Variants in TXNRD2 observed in about 807,000 individuals in gnomAD.
TXNRD2 encodes thioredoxin reductase 2, mitochondrial.
A neutral mutation model predicts 70.8 loss-of-function variants in TXNRD2; 67 were observed. The ratio of observed to expected loss-of-function variants is 0.95; its 90% CI spans 0.78 to 1.16. The LOEUF is 1.16. Among genes scored for constraint, TXNRD2 ranks in the 50% most tolerant of loss-of-function variants. TXNRD2 has a pLI of 0.00. For missense variants in TXNRD2, 644 were observed against 719.9 expected (o/e 0.89, Z 1.21); for synonymous variants, 301 against 295.8 (o/e 1.02, Z -0.18).
At chr22:19,916,534 G>T (rs1285692030) in intron 5 of TXNRD2, among the ~76,000 whole-genome samples, 1 of 152,012 alleles carries the variant, frequency 6.6e-6, no homozygotes, top group Non-Finnish European at 1.5e-5. Flanking sequence ...TAGAGACGGG[G>T]TTTCGCCATG....
Position 19,918,994 on chromosome 22 carries a change from C to T in TXNRD2, c.240G>A (p.Trp80Ter), listed in dbSNP as rs1473722067. ...YVEPSPQGTR[W>*]GLGGTCVNVG... Reference sequence around the variant, plus strand: ...CGTTGACGCAGGTGCCGCCGAGGCCCCACCGGGTGCCTGGGACGTGGGAAG... The same window carrying T: ...CGTTGACGCAGGTGCCGCCGAGGCCTCACCGGGTGCCTGGGACGTGGGAAG... The change falls in exon 4 of 18, where the codon TGG (tryptophan) becomes TGA (stop). Residue 80 changes from tryptophan (W) to a stop codon, truncating the protein, a stop_gained. Transcript: ENST00000400521. LOFTEE classifies it high-confidence loss of function. 7.5e-6 allele frequency: 12 copies of T among 1,609,736 alleles called. No homozygotes were observed. Among genetic ancestry groups the T allele is most frequent in the Non-Finnish European group, 9.3e-6 (11 of 1,179,726 alleles).
At chr22:19,899,227 T>G (rs547852721) in intron 8 of TXNRD2, among the ~76,000 whole-genome samples, 159 bp from the exon 9 acceptor site, 2 of 152,302 alleles carry the variant, frequency 1.3e-5, no homozygotes, top group East Asian at 3.9e-4. Context: ...AAAGCCCACT[T>G]TCCAAGGCTA....
At chr22:19,904,808 G>C (rs737862) in intron 8 of TXNRD2, among the ~76,000 whole-genome samples, 101,704 of 152,018 alleles carry the variant, frequency 0.67, 35,275 homozygotes, top group East Asian at 0.92. Context: ...CGTGAGTTGC[G>C]CACCTGGCCT....
At chr22:19,924,865 A>G (rs1013721784) in intron 2 of TXNRD2, among the ~76,000 whole-genome samples, 1 of 152,156 alleles carries the variant, frequency 6.6e-6, no homozygotes, top group African/African-American at 2.4e-5. Flanking sequence ...ATGAAAAGAG[A>G]AAATCCTAAA....
Position 19,877,056 on chromosome 22 carries a change from A to G in TXNRD2, c.*49T>C. The G allele has an allele frequency of 1.3e-6, 2 of 1,567,536 alleles. No homozygotes were observed. Among genetic ancestry groups the G allele is most frequent in the Non-Finnish European group, 1.7e-6 (2 of 1,146,844 alleles). The stretch of plus-strand genomic sequence containing the variant: ...CCTGCATACCTGGGTCTGGCCTCCG[A>G]GGAGCTGGCGGCGGGCGCACCGTGT... On this transcript the variant is annotated 3_prime_UTR_variant, in exon 17 of 18. Coordinates refer to ENST00000400521, the MANE Select transcript of TXNRD2 (RefSeq NM_006440.5).
intron 2 of TXNRD2, among the ~76,000 whole-genome samples, chr22:19,929,689 T>C (rs1012197732): frequency 6.6e-6 from 1 of 152,100 alleles, no homozygotes; most frequent in African/African-American, 2.4e-5. Context: ...ACAATAAGCA[T>C]GTGTTGTTTC....
At chr22:19,931,548 G>A (rs562807717) in intron 1 of TXNRD2, among the ~76,000 whole-genome samples, 2 of 152,194 alleles carry the variant, frequency 1.3e-5, no homozygotes, top group African/African-American at 4.8e-5. Context: ...GGGCCCCCAC[G>A]ACAGGGGCAC....
At chr22:19,908,661 G>A (rs1940180348) in intron 8 of TXNRD2, among the ~76,000 whole-genome samples, 1 of 152,108 alleles carries the variant, frequency 6.6e-6, no homozygotes, top group Non-Finnish European at 1.5e-5. Context: ...AGGTCTTCAA[G>A]AGGTATTTGC....
At chr22:19,879,812 C>G (rs901209362) in intron 14 of TXNRD2, among the ~76,000 whole-genome samples, 1 of 151,916 alleles carries the variant, frequency 6.6e-6, no homozygotes, top group African/African-American at 2.4e-5. Flanking sequence ...CGGGTGGCAC[C>G]GTGGTGGTGA....
chr22:19,881,855 G>A (rs1376584178), intron 12 of TXNRD2, among the ~76,000 whole-genome samples: 1 of 152,244 alleles, frequency 6.6e-6, no homozygotes, highest in Non-Finnish European at 1.5e-5. Flanking sequence ...GGGCTGCAGG[G>A]TGGCTGAGGC....
chr22:19,880,090 G>T, intron 14 of TXNRD2, 89 bp downstream of exon 14: 1 of 1,371,946 alleles, frequency 7.3e-7, no homozygotes, highest in Non-Finnish European at 1.0e-6. Context: ...GAGAGACCTT[G>T]GCACCCTGCT....
intron 12 of TXNRD2, among the ~76,000 whole-genome samples, chr22:19,881,789 A>C (rs1268940292): frequency 6.6e-6 from 1 of 152,216 alleles, no homozygotes; most frequent in Non-Finnish European, 1.5e-5. Flanking sequence ...GTCCACAGGC[A>C]GAGGCTGCGC....
intron 8 of TXNRD2, among the ~76,000 whole-genome samples, chr22:19,908,715 AG>A (rs994090729): frequency 1.7e-4 from 26 of 152,336 alleles, no homozygotes; most frequent in African/African-American, 5.8e-4. Context: ...GCCAAGAAGC[AG>A]AGGCAACTTG....
At chr22:19,881,314 TC>T (rs1487204330) in intron 12 of TXNRD2, 8 of 383,602 alleles carry the variant, frequency 2.1e-5, no homozygotes, top group Non-Finnish European at 3.7e-5. Context: ...TGTTTGGCAT[TC>T]CAGAAATGCA....
In TXNRD2 at chr22:19,877,370, G is replaced by A. The variant is rs1938558054; in HGVS notation, c.1446-136C>T. ...CCCCTGACCCCCAGCCAGCAGCCAG[G>A]ACCCCTGCCCACACCCGTGGGTGCC... On this transcript the variant is annotated intron_variant, in intron 16 of 17. Transcript: ENST00000400521. The A allele has an allele frequency of 5.1e-6, 4 of 789,118 alleles. No homozygotes were observed. The Admixed American group carries it at 6.6e-5, about 13-fold the overall frequency. 48.9% of individuals were successfully genotyped at this position (789,118 alleles called of 1,614,324 possible). A position where few individuals can be genotyped will look rare whatever the true frequency, so the allele number is the denominator to read the frequency against.
intron 10 of TXNRD2, 92 bp downstream of exon 10, chr22:19,897,947 T>C (rs1443803789): frequency 4.1e-6 from 4 of 984,888 alleles, no homozygotes; most frequent in Non-Finnish European, 4.6e-6. Flanking sequence ...GCATCACTCG[T>C]GGCCCATGAC....
At chr22:19,895,766 G>A (rs1939479663) in intron 10 of TXNRD2, among the ~76,000 whole-genome samples, 185 bp from the exon 11 acceptor site, 1 of 152,188 alleles carries the variant, frequency 6.6e-6, no homozygotes, top group South Asian at 2.1e-4. Flanking sequence ...CCCTGTCCTG[G>A]CTCCAAGTCC....
At chr22:19,893,969 G>A (rs1939379404) in intron 11 of TXNRD2, 1 of 152,218 alleles carries the variant, frequency 6.6e-6, no homozygotes, top group Admixed American at 6.5e-5. Flanking sequence ...GCACACCCAT[G>A]TTCACAGCAG....
chr22:19,911,475 C>T, intron 7 of TXNRD2, 28 bp from the exon 8 acceptor site: 1 of 1,587,938 alleles, frequency 6.3e-7, no homozygotes, highest in Non-Finnish European at 8.6e-7. Flanking sequence ...ACCCCTTGGA[C>T]AAGAGCTCCA....
Sources: allele counts gnomAD v4.1 joint callset (sites outside exome capture counted in the v4.1 genomes callset), GRCh38; gene constraint gnomAD v4.1.1; transcripts MANE v1.5; gene names NCBI Gene and HGNC (gene_info 2026-07-23, HGNC 2026-07-21).